The following RBFOX2 variants were observed in gnomAD, a reference collection of about 807,000 sequenced individuals.
RBFOX2 encodes RNA binding fox-1 homolog 2, also known as RNA binding protein fox-1 homolog 2.
A neutral mutation model predicts 49.1 loss-of-function variants in RBFOX2; 10 were observed. That is an observed-to-expected ratio of 0.20 (90% CI 0.13 to 0.35). RBFOX2 has a LOEUF of 0.35. Among genes scored for constraint, RBFOX2 ranks in the 10% least tolerant of loss-of-function variants. The probability of loss-of-function intolerance (pLI) is 1.00; values close to 1 mark genes in which losing one functional copy is unlikely to be tolerated. For missense variants in RBFOX2, 323 were observed against 486.9 expected (o/e 0.66, Z 3.17); for synonymous variants, 183 against 187.4 (o/e 0.98, Z 0.19).
chr22:35,835,697 G>C (rs908624947), intron 1 of RBFOX2, among the ~76,000 whole-genome samples: 2 of 152,154 alleles, frequency 1.3e-5, no homozygotes, highest in Admixed American at 1.3e-4. Flanking sequence ...AAAAAAGAAA[G>C]AGAAAAGTGT....
At chr22:35,939,353 G>A (rs1266489899), upstream of RBFOX2, 1 of 380,526 alleles carries the variant, frequency 2.6e-6, no homozygotes, top group Non-Finnish European at 5.3e-6. Context: ...CAACCCTGCT[G>A]AGAACTGCCT....
At chr22:36,024,735 T>A (rs2059368663) in intron 1 of RBFOX2, among the ~76,000 whole-genome samples, 2 of 150,574 alleles carry the variant, frequency 1.3e-5, no homozygotes, top group South Asian at 4.2e-4. Flanking sequence ...TGAGACTCCA[T>A]CTCAAAAAAA....
At chr22:35,981,627 G>A (rs2057459446) in intron 1 of RBFOX2, among the ~76,000 whole-genome samples, 1 of 144,454 alleles carries the variant, frequency 6.9e-6, no homozygotes, top group Admixed American at 7.1e-5. Context: ...GGGTGACAGA[G>A]CAAGACTCCA....
In RBFOX2 at chr22:35,778,138, T is replaced by C. The variant is rs988378456; in HGVS notation, c.400-60A>G. ...TCAGGTTTTTATCCACATATTTTGT[T>C]ATCTTCTGAAATGGGAATAGTTTAT... On this transcript the variant is annotated intron_variant, in intron 3 of 11. Transcript: ENST00000405409. The C allele has an allele frequency of 5.9e-6, 8 of 1,356,006 alleles. No individual in the cohort carries two copies. The African/African-American group carries it at 8.8e-5, about 15-fold the overall frequency. 84.0% of individuals were successfully genotyped at this position (1,356,006 alleles called of 1,614,324 possible).
At chr22:35,845,173 C>T (rs772666155), upstream of RBFOX2, among the ~76,000 whole-genome samples, 7 of 152,046 alleles carry the variant, frequency 4.6e-5, no homozygotes, top group African/African-American at 1.7e-4. Context: ...CTTCACGGCA[C>T]GCCCCCACAC....
rs537165071 is a variant in RBFOX2, at chr22:36,018,676, C to G, written c.186+9564G>C. 7.2e-5 allele frequency among the ~76,000 whole-genome samples: 11 copies of G among 152,322 alleles called. No homozygotes were observed. The South Asian group carries it at 2.1e-3, about 29-fold the overall frequency. On this transcript the variant is annotated intron_variant, in intron 1 of 13. Transcript: ENST00000438146. ...TCATCCAGGCTGAAGTGCAGTGGCTCGATCTCTCCTCATTGCAACCTCCAC... is the reference window on the plus strand; with the variant it reads ...TCATCCAGGCTGAAGTGCAGTGGCTGGATCTCTCCTCATTGCAACCTCCAC...
chr22:35,903,973 T>C (rs963697435), intron 1 of RBFOX2, among the ~76,000 whole-genome samples: 9 of 152,170 alleles, frequency 5.9e-5, no homozygotes, highest in African/African-American at 2.2e-4. Context: ...ATGATGGTCT[T>C]TAAGGTCCTA....
At chr22:35,988,552 C>T (rs552539722) in intron 1 of RBFOX2, among the ~76,000 whole-genome samples, 3 of 151,904 alleles carry the variant, frequency 2.0e-5, no homozygotes, top group South Asian at 4.2e-4. Context: ...ACCAATAAAC[C>T]GAGATCTCAA....
intron 1 of RBFOX2, among the ~76,000 whole-genome samples, chr22:35,936,237 C>CAAAAAAAAAA (rs58153258): frequency 1.6e-5 from 1 of 64,476 alleles, no homozygotes; most frequent in Non-Finnish European, 3.2e-5. Flanking sequence ...CCAACAACAA[C>CAAAAAAAAAA]AAAAAAAAAA....
intron 1 of RBFOX2, among the ~76,000 whole-genome samples, chr22:35,893,329 G>C (rs139547856): frequency 2.6e-5 from 4 of 152,242 alleles, no homozygotes; most frequent in African/African-American, 9.6e-5. Flanking sequence ...AAAAAAAATT[G>C]AGATAAATAC....
intron 4 of RBFOX2, 114 bp downstream of exon 5, chr22:35,777,911 A>G (rs1457465766): frequency 8.4e-6 from 9 of 1,067,202 alleles, no homozygotes; most frequent in Non-Finnish European, 1.1e-5. Context: ...GTGGATAATT[A>G]GGATACTTTT....
At chr22:35,802,346 G>A (rs1395429518) in intron 2 of RBFOX2, among the ~76,000 whole-genome samples, 1 of 152,164 alleles carries the variant, frequency 6.6e-6, no homozygotes, top group Admixed American at 6.5e-5. Flanking sequence ...GGTATGAACA[G>A]GTCAGTGAAC....
chr22:35,905,754 G>A (rs1472966238), intron 1 of RBFOX2, among the ~76,000 whole-genome samples: 2 of 152,004 alleles, frequency 1.3e-5, no homozygotes, highest in African/African-American at 2.4e-5. Context: ...AGGGGGATGA[G>A]GAAGCTCTTA....
At chr22:35,904,316 T>C (rs2048897016) in intron 1 of RBFOX2, among the ~76,000 whole-genome samples, 1 of 152,222 alleles carries the variant, frequency 6.6e-6, no homozygotes, top group Non-Finnish European at 1.5e-5. Flanking sequence ...ATTTATGCTT[T>C]TTTTGGTTAC....
At chr22:36,028,374 C>A in exon 1 of RBFOX2, 2 of 1,368,810 alleles carry the variant, frequency 1.5e-6, no homozygotes, top group South Asian at 1.7e-5. Flanking sequence ...CCCCGGGCGG[C>A]GGCGCCGGGC....
intron 9 of RBFOX2, among the ~76,000 whole-genome samples, chr22:35,758,830 A>C (rs1265621531): frequency 6.6e-6 from 1 of 152,232 alleles, no homozygotes; most frequent in Non-Finnish European, 1.5e-5. Context: ...TGAATGAATG[A>C]ATGAATGAAT....
At chr22:35,796,961 GC>G (rs1036950535) in intron 2 of RBFOX2, among the ~76,000 whole-genome samples, 12 of 151,962 alleles carry the variant, frequency 7.9e-5, no homozygotes, top group African/African-American at 2.7e-4. Context: ...GAAGTGGCAG[GC>G]CCACTTCATT....
exon 11 of RBFOX2, chr22:35,745,988 T>C (rs1476245694): frequency 6.2e-7 from 1 of 1,612,968 alleles, no homozygotes; most frequent in Non-Finnish European, 8.5e-7. Flanking sequence ...GTGTACACCC[T>C]GCCATAACTG....
chr22:35,955,671 G>A (rs1387433554), intron 1 of RBFOX2, among the ~76,000 whole-genome samples: 1 of 152,086 alleles, frequency 6.6e-6, no homozygotes, highest in Non-Finnish European at 1.5e-5. Context: ...GCACTCTTAT[G>A]AGAATCTAAT....
Sources: allele counts gnomAD v4.1 joint callset (sites outside exome capture counted in the v4.1 genomes callset), GRCh38; gene constraint gnomAD v4.1.1; transcripts MANE v1.5; gene names NCBI Gene and HGNC (gene_info 2026-07-23, HGNC 2026-07-21).